WASF2: variants seen among roughly 807,000 people sequenced by gnomAD.
The protein encoded by WASF2 is WASP family member 2, also known as actin-binding protein WASF2.
WASF2 carries 14 observed loss-of-function variants against 45.0 expected under a neutral mutation model. The ratio of observed to expected loss-of-function variants is 0.31; its 90% CI spans 0.21 to 0.49. The LOEUF is 0.49. WASF2 is among the 20% of genes least tolerant of loss of function. The pLI, the probability that WASF2 is intolerant of heterozygous loss-of-function variation, is 0.99. For synonymous variants in WASF2, 200 were observed against 236.3 expected (o/e 0.85, Z 1.41); for missense variants, 439 against 636.1 (o/e 0.69, Z 3.33).
In WASF2 at chr1:27,416,056, A is replaced by G; in HGVS notation, c.466T>C (p.Phe156Leu). The G allele has an allele frequency of 6.2e-7, 1 of 1,614,128 alleles. No individual in the cohort carries two copies. The highest frequency in any genetic ancestry group is 8.5e-7 in the Non-Finnish European group (1 of 1,180,002). ...ALKFYTDPSY[F>L]FDLWKEKMLQ... The stretch of plus-strand genomic sequence containing the variant: ...ATCTTCTCCTTCCAAAGATCAAAGA[A>G]GTATGAAGGGTCTGTGTAGAATTTG... Residue 156 changes from phenylalanine (F) to leucine (L), a missense_variant, in exon 5 of 9, where the codon TTC becomes CTC. Transcript: ENST00000618852.
chr1:27,467,837 A>G (rs2148135478), intron 1 of WASF2, among the ~76,000 whole-genome samples: 1 of 151,908 alleles, frequency 6.6e-6, no homozygotes, highest in Admixed American at 6.5e-5. Context: ...GCTTGAACCC[A>G]GGAGGCGGAG....
chr1:27,442,112 A>G (rs2017245526), intron 1 of WASF2, among the ~76,000 whole-genome samples: 1 of 146,326 alleles, frequency 6.8e-6, no homozygotes, highest in Admixed American at 6.7e-5. Flanking sequence ...TTCATCTCTA[A>G]AAAAAAAATA....
intron 1 of WASF2, among the ~76,000 whole-genome samples, chr1:27,478,901 G>C (rs972473615): frequency 6.6e-6 from 1 of 151,960 alleles, no homozygotes; most frequent in African/African-American, 2.4e-5. Flanking sequence ...TCTATTTCTT[G>C]ATGTGGGTGT....
chr1:27,478,189 G>T (rs1388053418), intron 1 of WASF2, among the ~76,000 whole-genome samples: 1 of 147,990 alleles, frequency 6.8e-6, no homozygotes, highest in Non-Finnish European at 1.5e-5. Context: ...TAACCTGGGG[G>T]ACAGAGGGAA....
Position 27,416,096 on chromosome 1 carries a change from A to G in WASF2, c.426T>C (p.Asp142=). ...TGTAGAATTTGAGTGCCTCTTTTCC[A>G]TCGTCCCTGGGATAGAAATGAAGAC... ...PLNNLTPYRD[D]GKEALKFYTD... Residue 142 remains aspartate, a synonymous_variant, in exon 5 of 9, where the codon GAT becomes GAC. Coordinates refer to ENST00000618852, the MANE Select transcript of WASF2 (RefSeq NM_006990.5). 6.2e-7 allele frequency: 1 copy of G among 1,613,832 alleles called. No individual in the cohort carries two copies. The highest frequency in any genetic ancestry group is 8.5e-7 in the Non-Finnish European group (1 of 1,179,750).
chr1:27,464,115 C>G (rs1323723937), intron 1 of WASF2, among the ~76,000 whole-genome samples: 2 of 151,838 alleles, frequency 1.3e-5, no homozygotes, highest in African/African-American at 4.8e-5. Context: ...CATGGTGACT[C>G]ACGCATGTAA....
At chr1:27,440,914 T>C (rs2017216218) in intron 1 of WASF2, among the ~76,000 whole-genome samples, 1 of 152,112 alleles carries the variant, frequency 6.6e-6, no homozygotes, top group East Asian at 1.9e-4. Flanking sequence ...TCACCCAGGC[T>C]GGAGTGCAGT....
At chr1:27,474,468 T>A (rs1422452557) in intron 1 of WASF2, among the ~76,000 whole-genome samples, 1 of 151,844 alleles carries the variant, frequency 6.6e-6, no homozygotes, top group Non-Finnish European at 1.5e-5. Context: ...AGACTCCATC[T>A]CCATAAAAAA....
chr1:27,414,718 T>A lies in WASF2; in HGVS notation c.668+115A>T. On this transcript the variant is annotated intron_variant, in intron 6 of 8. Coordinates refer to ENST00000618852, the MANE Select transcript of WASF2 (RefSeq NM_006990.5). The surrounding 1 kb of genome is among the most constrained non-coding windows in gnomAD (Gnocchi z 4.1). ...AGTAGCTGATTAACAGTGGTATTGA[T>A]CTAAGCCACAGAGACAGACTTCAGG... The A allele has an allele frequency of 7.2e-7, 1 of 1,393,512 alleles. No homozygotes were observed. The highest frequency in any genetic ancestry group is 9.7e-7 in the Non-Finnish European group (1 of 1,025,768). The allele number at this position is 1,393,512 out of a possible 1,614,324, so 86.3% of individuals were successfully genotyped here.
chr1:27,485,875 C>G (rs540343140), intron 1 of WASF2, among the ~76,000 whole-genome samples: 2 of 152,282 alleles, frequency 1.3e-5, no homozygotes, highest in Non-Finnish European at 2.9e-5. Flanking sequence ...CCACACCCGG[C>G]TAATTTTTGT....
chr1:27,411,664 C>T (rs2016761822), intron 7 of WASF2, among the ~76,000 whole-genome samples: 1 of 152,120 alleles, frequency 6.6e-6, no homozygotes. Flanking sequence ...GAGATCGAGA[C>T]CATCCTGGCT....
intron 1 of WASF2, among the ~76,000 whole-genome samples, chr1:27,473,819 T>G (rs1199126915): frequency 6.6e-6 from 1 of 152,186 alleles, no homozygotes; most frequent in Non-Finnish European, 1.5e-5. Flanking sequence ...ACCTAATTAT[T>G]CCAGTTCAGG....
Position 27,440,391 on chromosome 1 carries a change from G to A in WASF2, c.-43-11458C>T, listed in dbSNP as rs187407363. On this transcript the variant is annotated intron_variant, in intron 1 of 8. Transcript: ENST00000618852. ...ACAAAAATTAGCTGAATGCAGTGGC[G>A]CACAGCTGTAGTCTCAGCTACTCAG... 6.7e-3 allele frequency among the ~76,000 whole-genome samples: 1,017 copies of A among 152,166 alleles called. 7 individuals carry two copies. Among genetic ancestry groups the A allele is most frequent in the Non-Finnish European group, 9.7e-3 (663 of 68,006 alleles).
chr1:27,429,075 T>C (rs1047797130), intron 1 of WASF2, 142 bp from the exon 2 acceptor site: 1 of 762,136 alleles, frequency 1.3e-6, no homozygotes, highest in African/African-American at 1.8e-5. Context: ...CCCTATCTTT[T>C]TTTTTCTTTC....
At chr1:27,467,318 TG>T (rs899465883) in intron 1 of WASF2, among the ~76,000 whole-genome samples, 4 of 148,028 alleles carry the variant, frequency 2.7e-5, no homozygotes, top group African/African-American at 9.9e-5. Context: ...GTTTGTTTTC[TG>T]TTTTTTTTTT....
chr1:27,436,551 CA>C (rs1457142751), intron 1 of WASF2, among the ~76,000 whole-genome samples: 2 of 152,172 alleles, frequency 1.3e-5, no homozygotes, highest in African/African-American at 4.8e-5. Flanking sequence ...TTCAAAATGA[CA>C]GACAATACAT....
intron 1 of WASF2, among the ~76,000 whole-genome samples, chr1:27,467,319 G>GTT (rs1218184659): frequency 2.6e-4 from 36 of 138,440 alleles, no homozygotes; most frequent in African/African-American, 8.6e-4. Context: ...TTTGTTTTCT[G>GTT]TTTTTTTTTT....
Position 27,414,842 on chromosome 1 carries a change from C to T in WASF2, c.659G>A (p.Gly220Glu). 1 of 1,614,146 alleles carries T rather than the reference C, an allele frequency of 6.2e-7. No individual in the cohort carries two copies. Among genetic ancestry groups the T allele is most frequent in the Non-Finnish European group, 8.5e-7 (1 of 1,180,030 alleles). ...CAAAGGCATTACCTACCCAGAAGTC[C>T]CCAGCTTTTCTTTGGACTCCACAAA... ...QEFVESKEKL[G>E]TSGYPPTLVY... Residue 220 changes from glycine to glutamate, a missense_variant, in exon 6 of 9, where the codon GGG becomes GAG. Physicochemically the swap from Gly to Glu is moderately conservative, Grantham distance 98. Coordinates refer to ENST00000618852, the MANE Select transcript of WASF2 (RefSeq NM_006990.5). The surrounding 1 kb of genome is among the most constrained non-coding windows in gnomAD (Gnocchi z 4.1).
chr1:27,489,069 T>C (rs1485711769), intron 1 of WASF2, among the ~76,000 whole-genome samples: 1 of 152,028 alleles, frequency 6.6e-6, no homozygotes, highest in Non-Finnish European at 1.5e-5. Flanking sequence ...CAAGGAGTCC[T>C]TCCTCTTCTC....
Sources: allele counts gnomAD v4.1 joint callset (sites outside exome capture counted in the v4.1 genomes callset), GRCh38; gene constraint gnomAD v4.1.1; non-coding constraint Gnocchi (gnomAD v3.1); transcripts MANE v1.5; gene names NCBI Gene and HGNC (gene_info 2026-07-23, HGNC 2026-07-21).